SUGCT: variants seen among roughly 807,000 people sequenced by gnomAD.
SUGCT encodes the protein succinyl-CoA:glutarate-CoA transferase, also known as succinyl-CoA:glutarate CoA-transferase.
A neutral mutation model predicts 55.0 loss-of-function variants in SUGCT; 41 were observed. The observed-to-expected ratio is 0.74, with a 90% CI of 0.58 to 0.97. The LOEUF (loss-of-function observed/expected upper bound fraction) is 0.97, where lower values mean the gene tolerates loss of function less well. Among genes scored for constraint, SUGCT ranks in the 50% least tolerant of loss-of-function variants. SUGCT has a pLI of 0.00. For synonymous variants in SUGCT, 187 were observed against 200.4 expected (o/e 0.93, Z 0.56); for missense variants, 568 against 547.8 (o/e 1.04, Z -0.37).
chr7:40,281,249 CAA>C (rs1792934182), intron 8 of SUGCT, among the ~76,000 whole-genome samples: 1 of 151,978 alleles, frequency 6.6e-6, no homozygotes, highest in Non-Finnish European at 1.5e-5. Flanking sequence ...CGTGAATGTA[CAA>C]ATCTGTGAGG....
At chr7:40,294,221 A>G (rs1793976449) in intron 8 of SUGCT, among the ~76,000 whole-genome samples, 1 of 152,134 alleles carries the variant, frequency 6.6e-6, no homozygotes, top group Non-Finnish European at 1.5e-5. Flanking sequence ...AAGTGCTGGG[A>G]TTACAGGCTT....
chr7:40,764,251 C>A (rs981487907), intron 13 of SUGCT, among the ~76,000 whole-genome samples: 1 of 152,140 alleles, frequency 6.6e-6, no homozygotes, highest in East Asian at 1.9e-4. Context: ...CTCAGCTCAC[C>A]ACTGAGGAGT....
At chr7:40,286,840 G>GTTT in intron 8 of SUGCT, among the ~76,000 whole-genome samples, 1 of 151,920 alleles carries the variant, frequency 6.6e-6, no homozygotes, top group East Asian at 1.9e-4. Flanking sequence ...TTGTTTGTTT[G>GTTT]GCTGGGAAAG....
At chr7:40,403,743 T>G (rs1786212989) in intron 9 of SUGCT, among the ~76,000 whole-genome samples, 1 of 152,216 alleles carries the variant, frequency 6.6e-6, no homozygotes, top group Non-Finnish European at 1.5e-5. Flanking sequence ...ACTCAATTTC[T>G]TCATAGTAGA....
At chr7:40,393,333 A>G (rs1785543593) in intron 9 of SUGCT, among the ~76,000 whole-genome samples, 1 of 152,158 alleles carries the variant, frequency 6.6e-6, no homozygotes, top group Admixed American at 6.6e-5. Context: ...TGCTGTGTAG[A>G]GGTCTTATGA....
intron 9 of SUGCT, among the ~76,000 whole-genome samples, chr7:40,420,770 C>T (rs548264369): frequency 3.3e-5 from 5 of 152,172 alleles, no homozygotes; most frequent in South Asian, 4.2e-4. Context: ...GCCTGGACTA[C>T]TGTATAAGCT....
At chr7:40,731,559 T>C (rs1358609687) in intron 12 of SUGCT, among the ~76,000 whole-genome samples, 1 of 152,114 alleles carries the variant, frequency 6.6e-6, no homozygotes, top group African/African-American at 2.4e-5. Context: ...TAGAAATGAA[T>C]TGAAAGAGTG....
At chr7:40,487,078 CT>C (rs745766266) in intron 11 of SUGCT, among the ~76,000 whole-genome samples, 2,463 of 93,820 alleles carry the variant, frequency 0.026, 19 homozygotes, top group Admixed American at 0.066. Flanking sequence ...TGATTTCAAT[CT>C]TTTTTTTTTT....
intron 9 of SUGCT, among the ~76,000 whole-genome samples, chr7:40,435,584 A>C (rs748031285): frequency 2.6e-5 from 4 of 152,110 alleles, no homozygotes; most frequent in African/African-American, 4.8e-5. Context: ...ACTAGCATTT[A>C]AGTTGCTCTT....
intron 9 of SUGCT, among the ~76,000 whole-genome samples, chr7:40,337,939 G>A (rs554191412): frequency 6.6e-6 from 1 of 152,164 alleles, no homozygotes; most frequent in East Asian, 1.9e-4. Context: ...TGTAGGACAG[G>A]CCTGGTGGTG....
chr7:40,512,217 A>G (rs1467972545), intron 12 of SUGCT, among the ~76,000 whole-genome samples: 2 of 152,190 alleles, frequency 1.3e-5, no homozygotes, highest in Non-Finnish European at 1.5e-5. Context: ...TCCAATTCCT[A>G]GTGGTACACT....
chr7:40,726,727 G>A (rs117253889), intron 12 of SUGCT, among the ~76,000 whole-genome samples: 3 of 152,298 alleles, frequency 2.0e-5, no homozygotes, highest in Non-Finnish European at 2.9e-5. Context: ...GGAGGGCACC[G>A]ACAATGGGTT....
intron 12 of SUGCT, among the ~76,000 whole-genome samples, chr7:40,524,883 G>A (rs1171712521): frequency 3.3e-5 from 5 of 152,122 alleles, no homozygotes; most frequent in Admixed American, 3.3e-4. Context: ...CCAAGGTGGT[G>A]GTGTGGTAGA....
chr7:40,240,649 C>G (rs901402491), intron 7 of SUGCT, among the ~76,000 whole-genome samples: 7 of 152,168 alleles, frequency 4.6e-5, no homozygotes, highest in African/African-American at 1.7e-4. Flanking sequence ...TATTTTTAAC[C>G]AGCCAGTGCA....
At chr7:40,528,024 A>G (rs1793897787) in intron 12 of SUGCT, among the ~76,000 whole-genome samples, 1 of 152,186 alleles carries the variant, frequency 6.6e-6, no homozygotes. Context: ...AGTTTGCCTG[A>G]GTTCAAATTC....
At chr7:40,982,316 CT>C in the SUGCT span, among the ~76,000 whole-genome samples, 1 of 152,166 alleles carries the variant, frequency 6.6e-6, no homozygotes, top group Admixed American at 6.5e-5. Context: ...GTGTCTTAGT[CT>C]TGAACATATT....
At chr7:40,908,011 G>C in the SUGCT span, among the ~76,000 whole-genome samples, 1 of 151,578 alleles carries the variant, frequency 6.6e-6, no homozygotes, top group East Asian at 1.9e-4. Context: ...TATGCAGATT[G>C]GTAAGAAAAA....
At chr7:40,865,885 C>T in the SUGCT span, among the ~76,000 whole-genome samples, 1 of 152,194 alleles carries the variant, frequency 6.6e-6, no homozygotes, top group Non-Finnish European at 1.5e-5. Context: ...TCTCATGTTC[C>T]CTTTGCTTTC....
At chr7:40,539,078 C>CA (rs34855051) in intron 12 of SUGCT, 16,216 of 103,290 alleles carry the variant, frequency 0.16, 1,620 homozygotes, top group African/African-American at 0.34. Context: ...GACTCCATCT[C>CA]AAAAAAAAAA....
Sources: allele counts gnomAD v4.1 joint callset (sites outside exome capture counted in the v4.1 genomes callset), GRCh38; gene constraint gnomAD v4.1.1; transcripts MANE v1.5; gene names NCBI Gene and HGNC (gene_info 2026-07-23, HGNC 2026-07-21).